The following S100Z variants were observed in gnomAD, a reference collection of about 807,000 sequenced individuals.
S100Z encodes the protein protein S100-Z.
In S100Z, 11 loss-of-function variants were observed where a neutral mutation model predicts 8.5. The ratio of observed to expected loss-of-function variants is 1.30; its 90% CI spans 0.82 to 2.15. The LOEUF (loss-of-function observed/expected upper bound fraction) is 2.15, where lower values mean the gene tolerates loss of function less well. Among genes scored for constraint, S100Z ranks in the 30% most tolerant of loss-of-function variants. The probability of loss-of-function intolerance (pLI) is 0.00; values close to 1 mark genes in which losing one functional copy is unlikely to be tolerated. For missense variants in S100Z, 126 were observed against 117.9 expected (o/e 1.07, Z -0.32); for synonymous variants, 34 against 43.8 (o/e 0.78, Z 0.89).
chr5:76,857,737 G>C (rs1357492845), intron 1 of S100Z, among the ~76,000 whole-genome samples: 1 of 152,112 alleles, frequency 6.6e-6, no homozygotes, highest in Non-Finnish European at 1.5e-5. Context: ...CTGACCTCTA[G>C]TGATCTGCCT....
In S100Z at chr5:76,884,020, G is replaced by A. The variant is rs573307801; in HGVS notation, c.*2+6186G>A. 2.0e-4 allele frequency among the ~76,000 whole-genome samples: 14 copies of A among 68,934 alleles called. No individual in the cohort carries two copies. The South Asian group carries it at 2.8e-3, about 14-fold the overall frequency. 45.2% of individuals were successfully genotyped at this position (68,934 alleles called of 152,430 possible). A position where few individuals can be genotyped will look rare whatever the true frequency, so the allele number is the denominator to read the frequency against. On this transcript the variant is annotated intron_variant, in intron 4 of 4. Transcript: ENST00000317593. ...CCTCTACTCTATTATTGTACACCTTGAAGCGAGGTTAATTAAGTCCTGTTG... is the reference window on the plus strand; with the variant it reads ...CCTCTACTCTATTATTGTACACCTTAAAGCGAGGTTAATTAAGTCCTGTTG...
At chr5:76,952,942 T>C in the S100Z span, 1 of 590,818 alleles carries the variant, frequency 1.7e-6, no homozygotes, top group South Asian at 2.1e-5. Flanking sequence ...ACTCTGTCAA[T>C]GAGACAGGGT....
chr5:76,853,052 C>T (rs986518634), intron 1 of S100Z, among the ~76,000 whole-genome samples: 46 of 152,166 alleles, frequency 3.0e-4, no homozygotes, highest in Non-Finnish European at 5.7e-4. Flanking sequence ...AAGTCTAAGG[C>T]TGATGATTCT....
rs1272035786 is a variant in S100Z, at chr5:76,877,781, A to G, written c.249A>G (p.Thr83=). The G allele has an allele frequency of 2.5e-6, 4 of 1,613,316 alleles. No individual in the cohort carries two copies. Among genetic ancestry groups the G allele is most frequent in the Non-Finnish European group, 3.4e-6 (4 of 1,179,336 alleles). ...NEFVVMVAAL[T]VACNDYFVEQ... ...TCGTGGTCATGGTGGCAGCTCTGAC[A>G]GTTGCTTGTAATGATTACTTTGTAG... Residue 83 remains threonine, a synonymous_variant, in exon 4 of 5, where the codon ACA becomes ACG. Coordinates refer to ENST00000317593, the MANE Select transcript of S100Z (RefSeq NM_130772.4).
At chr5:76,895,603 G>A (rs868144503) in intron 4 of S100Z, among the ~76,000 whole-genome samples, 4 of 151,896 alleles carry the variant, frequency 2.6e-5, no homozygotes, top group African/African-American at 7.2e-5. Context: ...TATATGAAAG[G>A]TTTTAATACA....
At chr5:76,864,713 T>C (rs1751204839) in intron 1 of S100Z, among the ~76,000 whole-genome samples, 1 of 151,148 alleles carries the variant, frequency 6.6e-6, no homozygotes, top group Admixed American at 6.6e-5. Context: ...TCATTTATTA[T>C]ACTTTTTTCT....
At chr5:76,935,584 A>T in the S100Z span, among the ~76,000 whole-genome samples, 1 of 152,092 alleles carries the variant, frequency 6.6e-6, no homozygotes, top group Non-Finnish European at 1.5e-5. Flanking sequence ...TGGGGAACAT[A>T]TCTGATTCAC....
chr5:76,872,013 G>A (rs1561228498), intron 2 of S100Z, among the ~76,000 whole-genome samples: 6 of 152,232 alleles, frequency 3.9e-5, no homozygotes. Flanking sequence ...AAGGCAGGAG[G>A]ATCACTTGAG....
At chr5:76,862,322 G>A (rs1364628453) in intron 1 of S100Z, among the ~76,000 whole-genome samples, 1 of 152,090 alleles carries the variant, frequency 6.6e-6, no homozygotes, top group African/African-American at 2.4e-5. Context: ...GGAACAGAAG[G>A]TATAGCCAGT....
chr5:76,943,981 G>A, the S100Z span, among the ~76,000 whole-genome samples: 96,023 of 151,786 alleles, frequency 0.63, 30,746 homozygotes, highest in South Asian at 0.77. Context: ...AACAGATTGC[G>A]TTATAATATT....
At chr5:76,942,364 G>T in the S100Z span, among the ~76,000 whole-genome samples, 1 of 144,378 alleles carries the variant, frequency 6.9e-6, no homozygotes, top group Non-Finnish European at 1.5e-5. Flanking sequence ...CACCTGCCTC[G>T]GCCTCTGAAA....
chr5:76,875,055 AT>A, intron 2 of S100Z, among the ~76,000 whole-genome samples: 1 of 151,078 alleles, frequency 6.6e-6, no homozygotes, highest in Middle Eastern at 3.4e-3. Flanking sequence ...CGCCCGGCTA[AT>A]TTTTTTTTGT....
chr5:76,885,266 G>C (rs1743562525), intron 4 of S100Z, among the ~76,000 whole-genome samples: 1 of 152,186 alleles, frequency 6.6e-6, no homozygotes, highest in Admixed American at 6.5e-5. Context: ...GAGAAGGGTA[G>C]AGACATGGAG....
chr5:76,865,912 G>A (rs975947490), intron 1 of S100Z, among the ~76,000 whole-genome samples: 8 of 151,180 alleles, frequency 5.3e-5, no homozygotes, highest in African/African-American at 1.9e-4. Flanking sequence ...CTACTCAGGA[G>A]GCTGAGGCAG....
intron 4 of S100Z, among the ~76,000 whole-genome samples, chr5:76,878,780 G>T (rs1743290142): frequency 6.6e-6 from 1 of 152,182 alleles, no homozygotes; most frequent in Admixed American, 6.5e-5. Context: ...GGTAAGAGAT[G>T]ATGGTATATC....
the S100Z span, among the ~76,000 whole-genome samples, chr5:76,930,721 A>G: frequency 2.0e-5 from 3 of 152,142 alleles, no homozygotes; most frequent in South Asian, 2.1e-4. Context: ...GCTCTGTTCT[A>G]TTGATCACTG....
chr5:76,882,904 G>A (rs893691639), intron 4 of S100Z, among the ~76,000 whole-genome samples: 1 of 152,156 alleles, frequency 6.6e-6, no homozygotes, highest in South Asian at 2.1e-4. Flanking sequence ...GGGTTGTGGA[G>A]GGTGGTATTG....
At chr5:76,873,193 AAAT>A (rs1743067256) in intron 2 of S100Z, among the ~76,000 whole-genome samples, 1 of 152,124 alleles carries the variant, frequency 6.6e-6, no homozygotes, top group East Asian at 1.9e-4. Context: ...CACACAGGAA[AAAT>A]TTACAAAGGG....
intron 4 of S100Z, among the ~76,000 whole-genome samples, chr5:76,888,706 G>A (rs1052154353): frequency 2.0e-5 from 3 of 152,102 alleles, no homozygotes; most frequent in Non-Finnish European, 4.4e-5. Flanking sequence ...GTGAGCCACC[G>A]TGTCTGACGG....
Sources: allele counts gnomAD v4.1 joint callset (sites outside exome capture counted in the v4.1 genomes callset), GRCh38; gene constraint gnomAD v4.1.1; transcripts MANE v1.5; gene names NCBI Gene and HGNC (gene_info 2026-07-23, HGNC 2026-07-21).